Variants in CACNA1B observed in about 807,000 individuals in gnomAD.
CACNA1B encodes the protein voltage-dependent N-type calcium channel subunit alpha-1B.
A neutral mutation model predicts 247.2 loss-of-function variants in CACNA1B; 70 were observed. The observed-to-expected ratio is 0.28, with a 90% CI of 0.23 to 0.35. The LOEUF is 0.35. Ranked by LOEUF, CACNA1B falls within the 10% of genes least tolerant of loss-of-function variation. The pLI is 1.00. For missense variants in CACNA1B, 2,367 were observed against 3,197.4 expected (o/e 0.74, Z 6.26); for synonymous variants, 1,231 against 1,294.4 (o/e 0.95, Z 1.05).
At chr9:138,046,239 G>A (rs141352939) in intron 21 of CACNA1B, among the ~76,000 whole-genome samples, 1 of 152,344 alleles carries the variant, frequency 6.6e-6, no homozygotes, top group African/African-American at 2.4e-5. Context: ...CAGGGTAGGT[G>A]CTCAGTAATG....
rs1250377142 is a variant in CACNA1B at position 137,882,949 on chromosome 9, T to C, written c.530+66T>C. On this transcript the variant is annotated intron_variant, in intron 3 of 46. Coordinates refer to ENST00000371372, the MANE Select transcript of CACNA1B (RefSeq NM_000718.4). This position sits in a 1 kb window ranked among gnomAD's most constrained non-coding sequence, Gnocchi z 4.0. ...GGGCGTGTGCTCTCTGAAGCTCAGT[T>C]GCGCCGTGGAGCTGGGGCAGCTGCA... 2.0e-6 allele frequency: 3 copies of C among 1,531,600 alleles called. No individual in the cohort carries two copies. Among genetic ancestry groups the C allele is most frequent in the Non-Finnish European group, 2.7e-6 (3 of 1,112,674 alleles). The allele number at this position is 1,531,600 out of a possible 1,614,324, so 94.9% of individuals were successfully genotyped here. A position where few individuals can be genotyped will look rare whatever the true frequency, so the allele number is the denominator to read the frequency against.
chr9:138,065,627 C>T (rs1376331163), intron 31 of CACNA1B, among the ~76,000 whole-genome samples: 1 of 152,134 alleles, frequency 6.6e-6, no homozygotes, highest in African/African-American at 2.4e-5. Flanking sequence ...TCTCTAGAGC[C>T]CTGGTCCTCC....
intron 15 of CACNA1B, among the ~76,000 whole-genome samples, chr9:137,996,622 C>T (rs1324948455): frequency 6.6e-6 from 1 of 152,096 alleles, no homozygotes; most frequent in Non-Finnish European, 1.5e-5. Flanking sequence ...TATAAGCAAA[C>T]ACCACCTGTT....
At position 138,054,397 on chromosome 9, in the gene CACNA1B, A is replaced by G. The variant is rs1337054752; in HGVS notation, c.3968+391A>G. ...ATGGCTGGAGCTGCTGTCACTGTCC[A>G]CATGAGGCCTCAGAGCTTCCTGTGC... is the stretch of plus-strand genomic sequence containing the variant. On this transcript the variant is annotated intron_variant, in intron 26 of 46. Coordinates refer to ENST00000371372, the MANE Select transcript of CACNA1B (RefSeq NM_000718.4). This position sits in a 1 kb window ranked among gnomAD's most constrained non-coding sequence, Gnocchi z 4.6. 6.6e-6 allele frequency among the ~76,000 whole-genome samples: 1 copy of G among 152,208 alleles called. No individual in the cohort carries two copies. The highest frequency in any genetic ancestry group is 2.4e-5 in the African/African-American group (1 of 41,446).
chr9:138,013,061 T>C (rs572718409), intron 17 of CACNA1B, 68 bp from the exon 18 acceptor site: 53 of 1,125,336 alleles, frequency 4.7e-5, no homozygotes, highest in Non-Finnish European at 6.5e-5. Flanking sequence ...GCTGATGTTA[T>C]ATATAGCCAG....
Position 137,973,112 on chromosome 9 carries a change from G to C in CACNA1B, c.1543+1520G>C, listed in dbSNP as rs943826887. 6.6e-6 allele frequency among the ~76,000 whole-genome samples: 1 copy of C among 152,238 alleles called. No individual in the cohort carries two copies. The highest frequency in any genetic ancestry group is 2.4e-5 in the African/African-American group (1 of 41,454). ...CGGCAGGCAGTGGGGTAGGGGTAGGGCTGCACAGCCCAGTCGCGCATCTGC... is the reference window on the plus strand; with the variant it reads ...CGGCAGGCAGTGGGGTAGGGGTAGGCCTGCACAGCCCAGTCGCGCATCTGC... On this transcript the variant is annotated intron_variant, in intron 11 of 46. Transcript: ENST00000371372. This position sits in a 1 kb window ranked among gnomAD's most constrained non-coding sequence, Gnocchi z 4.1.
At chr9:137,904,895 C>A (rs969799083) in intron 3 of CACNA1B, among the ~76,000 whole-genome samples, 4 of 152,048 alleles carry the variant, frequency 2.6e-5, no homozygotes. Flanking sequence ...TATGGTGATA[C>A]TTCTTATTTT....
chr9:137,991,194 A>G (rs574370744), intron 15 of CACNA1B, among the ~76,000 whole-genome samples: 109 of 152,326 alleles, frequency 7.2e-4, no homozygotes, highest in Non-Finnish European at 1.3e-3. Flanking sequence ...AAAACATGAT[A>G]CAGGTTATGA....
rs2133234270 is a variant in CACNA1B at position 137,888,084 on chromosome 9, C to T, written c.530+5201C>T. 6.6e-6 allele frequency among the ~76,000 whole-genome samples: 1 copy of T among 151,212 alleles called. No individual in the cohort carries two copies. The highest frequency in any genetic ancestry group is 3.4e-3 in the Middle Eastern group (1 of 292). ...TGGCCCAATTGACTCGTGATGGGTG[C>T]TGGGGGCACAGTGTAGACGGTAGGG... is the stretch of plus-strand genomic sequence containing the variant. On this transcript the variant is annotated intron_variant, in intron 3 of 46. Coordinates refer to ENST00000371372, the MANE Select transcript of CACNA1B (RefSeq NM_000718.4). This position sits in a 1 kb window ranked among gnomAD's most constrained non-coding sequence, Gnocchi z 4.7.
chr9:138,069,077 C>T (rs1007549607), intron 31 of CACNA1B, among the ~76,000 whole-genome samples: 2 of 152,220 alleles, frequency 1.3e-5, no homozygotes, highest in African/African-American at 4.8e-5. Flanking sequence ...TGTCCCCTGG[C>T]CACTCTTGCT....
intron 15 of CACNA1B, among the ~76,000 whole-genome samples, chr9:138,004,055 T>A (rs1564232756): frequency 6.6e-6 from 1 of 152,142 alleles, no homozygotes; most frequent in East Asian, 1.9e-4. Flanking sequence ...ATAACCATTT[T>A]GGAAACATCT....
At position 137,950,964 on chromosome 9, in the gene CACNA1B, C is replaced by G. The variant is rs943071097; in HGVS notation, c.967-1310C>G. On this transcript the variant is annotated intron_variant, in intron 6 of 46. Transcript: ENST00000371372. The surrounding 1 kb of genome is among the most constrained non-coding windows in gnomAD (Gnocchi z 4.8). ...GATGAGAGGAATTAGAGCCAGTTGG[C>G]TACTGATGGGAACACTCCACTGGGG... Among the ~76,000 whole-genome samples, 2 of 152,222 alleles carry G rather than the reference C, an allele frequency of 1.3e-5. No individual in the cohort carries two copies. The highest frequency in any genetic ancestry group is 2.9e-5 in the Non-Finnish European group (2 of 68,048).
At chr9:137,943,574 C>A (rs1048962326) in intron 6 of CACNA1B, among the ~76,000 whole-genome samples, 2 of 152,094 alleles carry the variant, frequency 1.3e-5, no homozygotes, top group African/African-American at 4.8e-5. Flanking sequence ...CTGCACGGAC[C>A]TTGGGGGACT....
rs1409213611 is a variant in CACNA1B at position 138,072,876 on chromosome 9, G to T, written c.4675-612G>T. ...TGTTTGACCGTGAATTGCAGAGGTGGCTTCCGTGGTGTGAGCAGCAGAACA... is the reference window on the plus strand; with the variant it reads ...TGTTTGACCGTGAATTGCAGAGGTGTCTTCCGTGGTGTGAGCAGCAGAACA... On this transcript the variant is annotated intron_variant, in intron 32 of 46. Coordinates refer to ENST00000371372, the MANE Select transcript of CACNA1B (RefSeq NM_000718.4). This position sits in a 1 kb window ranked among gnomAD's most constrained non-coding sequence, Gnocchi z 4.5. Among the ~76,000 whole-genome samples, 1 of 152,234 alleles carries T rather than the reference G, an allele frequency of 6.6e-6. No homozygotes were observed. Among genetic ancestry groups the T allele is most frequent in the Non-Finnish European group, 1.5e-5 (1 of 68,046 alleles).
rs112815298 is a variant in CACNA1B at position 138,113,581 on chromosome 9, G to A, written c.5537-797G>A. Among the ~76,000 whole-genome samples, 353 of 140,580 alleles carry A rather than the reference G, an allele frequency of 2.5e-3. 1 individual carries two copies. Among genetic ancestry groups the A allele is most frequent in the African/African-American group, 9.0e-3 (326 of 36,164 alleles). The allele number at this position is 140,580 out of a possible 152,430, so 92.2% of individuals were successfully genotyped here. On this transcript the variant is annotated intron_variant, in intron 40 of 46. Transcript: ENST00000371372. ...AGGAAGGTGCCCAACTGCATCTTGCGGGAGACGTGAGGGAGTGCCGGGAGG... is the reference window on the plus strand; with the variant it reads ...AGGAAGGTGCCCAACTGCATCTTGCAGGAGACGTGAGGGAGTGCCGGGAGG...
At chr9:138,082,164 CTT>C (rs1327113927) in intron 36 of CACNA1B, among the ~76,000 whole-genome samples, 1 of 151,160 alleles carries the variant, frequency 6.6e-6, no homozygotes, top group Non-Finnish European at 1.5e-5. Flanking sequence ...AAATTAAAAA[CTT>C]TTTAGAATCA....
chr9:138,066,661 A>G (rs376085765), intron 31 of CACNA1B, among the ~76,000 whole-genome samples: 1 of 152,340 alleles, frequency 6.6e-6, no homozygotes, highest in East Asian at 1.9e-4. Context: ...AAAAGATGAA[A>G]TGATGGAAAT....
At chr9:138,074,405 T>TAAA (rs1300020010) in intron 34 of CACNA1B, among the ~76,000 whole-genome samples, 2 of 152,176 alleles carry the variant, frequency 1.3e-5, no homozygotes, top group East Asian at 3.9e-4. Context: ...CACGCCCGGC[T>TAAA]AATTTTTGTA....
chr9:137,975,808 C>G, intron 11 of CACNA1B, 99 bp from the exon 12 acceptor site: 2 of 749,480 alleles, frequency 2.7e-6, no homozygotes, highest in Non-Finnish European at 4.8e-6. Flanking sequence ...GAAGGCTCAG[C>G]CCTGGGAAGG....
Sources: gnomAD v4.1 joint callset for allele counts (sites outside exome capture counted in the v4.1 genomes callset) on GRCh38, gnomAD v4.1.1 for gene constraint, Gnocchi (gnomAD v3.1) non-coding constraint, MANE v1.5 for transcripts, NCBI Gene and HGNC (gene_info 2026-07-23, HGNC 2026-07-21) for gene names.